Variants in SCMH1 observed in about 807,000 individuals in gnomAD.
The protein encoded by SCMH1 is Scm polycomb group protein homolog 1.
Under a neutral mutation model 70.8 loss-of-function variants are expected in SCMH1, and 37 were observed. The ratio of observed to expected loss-of-function variants is 0.52; its 90% CI spans 0.40 to 0.69. The LOEUF is 0.69. Among genes scored for constraint, SCMH1 ranks in the 30% least tolerant of loss-of-function variants. SCMH1 has a pLI of 0.00. For synonymous variants in SCMH1, 292 were observed against 307.4 expected (o/e 0.95, Z 0.52); for missense variants, 607 against 827.3 (o/e 0.73, Z 3.27).
At chr1:41,197,900 A>G (rs1653407116) in intron 1 of SCMH1, among the ~76,000 whole-genome samples, 1 of 152,118 alleles carries the variant, frequency 6.6e-6, no homozygotes, top group South Asian at 2.1e-4. Flanking sequence ...CAAACTGTTC[A>G]TCTTCTAATA....
intron 1 of SCMH1, among the ~76,000 whole-genome samples, chr1:41,228,896 T>A (rs187068474): frequency 5.3e-5 from 8 of 152,258 alleles, no homozygotes; most frequent in Non-Finnish European, 1.2e-4. Context: ...CTGCAGTAAT[T>A]CAGAAGAGAG....
At chr1:41,050,299 T>G (rs527765702) in intron 10 of SCMH1, among the ~76,000 whole-genome samples, 22 of 152,308 alleles carry the variant, frequency 1.4e-4, no homozygotes, top group African/African-American at 4.6e-4. Flanking sequence ...TATTCTTTCT[T>G]GTGTGGTTGT....
At chr1:41,168,204 T>A (rs995403906) in intron 2 of SCMH1, among the ~76,000 whole-genome samples, 1 of 152,134 alleles carries the variant, frequency 6.6e-6, no homozygotes, top group Non-Finnish European at 1.5e-5. Context: ...GCTTGGGAAG[T>A]TTTCTGACAT....
intron 13 of SCMH1, 104 bp downstream of exon 14, chr1:41,033,879 C>T: frequency 6.5e-7 from 1 of 1,542,524 alleles, no homozygotes; most frequent in South Asian, 1.2e-5. Flanking sequence ...TAGGGAACAA[C>T]AGTACCATCT....
chr1:41,216,132 C>T (rs1443979337), intron 1 of SCMH1, among the ~76,000 whole-genome samples: 1 of 152,148 alleles, frequency 6.6e-6, no homozygotes, highest in Non-Finnish European at 1.5e-5. Flanking sequence ...ATTGAAATGA[C>T]AGCCCTGGCA....
chr1:41,223,424 C>T (rs1416993327), intron 1 of SCMH1, among the ~76,000 whole-genome samples: 3 of 152,078 alleles, frequency 2.0e-5, no homozygotes. Flanking sequence ...CCTCTCTGAG[C>T]CATCTTTGTA....
chr1:41,197,560 A>G (rs571159562), intron 1 of SCMH1, among the ~76,000 whole-genome samples: 1 of 152,266 alleles, frequency 6.6e-6, no homozygotes, highest in East Asian at 1.9e-4. Context: ...AGTTATATTT[A>G]ATGCGTACAG....
intron 6 of SCMH1, among the ~76,000 whole-genome samples, chr1:41,126,795 A>C (rs377152804): frequency 3.3e-5 from 5 of 152,264 alleles, no homozygotes; most frequent in African/African-American, 1.2e-4. Context: ...ATAACATTCA[A>C]TCAATCTCTT....
At chr1:41,168,914 T>G (rs1024679718) in intron 2 of SCMH1, among the ~76,000 whole-genome samples, 1 of 152,170 alleles carries the variant, frequency 6.6e-6, no homozygotes, top group Admixed American at 6.5e-5. Flanking sequence ...AATCTCTAGA[T>G]GTAGCTGGAG....
At chr1:41,116,873 A>G (rs760953104) in intron 7 of SCMH1, 49 bp downstream of exon 7, 61 of 1,459,522 alleles carry the variant, frequency 4.2e-5, no homozygotes, top group Non-Finnish European at 5.5e-5. Flanking sequence ...AAGTCTCAAT[A>G]TTTGACCTTA....
At chr1:41,240,129 C>G (rs1390255902) in intron 1 of SCMH1, among the ~76,000 whole-genome samples, 1 of 152,168 alleles carries the variant, frequency 6.6e-6, no homozygotes, top group Non-Finnish European at 1.5e-5. Flanking sequence ...CACAAACATA[C>G]CTAAAATCAA....
chr1:41,143,168 A>T, intron 5 of SCMH1, 56 bp from the exon 6 acceptor site: 1 of 1,371,604 alleles, frequency 7.3e-7, no homozygotes, highest in Non-Finnish European at 1.0e-6. Context: ...CCCAAAATTC[A>T]TGTTTTGGAT....
At chr1:41,194,799 G>C (rs968428209) in intron 1 of SCMH1, among the ~76,000 whole-genome samples, 2 of 152,170 alleles carry the variant, frequency 1.3e-5, no homozygotes, top group Admixed American at 1.3e-4. Flanking sequence ...TGTGGAACCA[G>C]AGTAAGAAAT....
intron 1 of SCMH1, among the ~76,000 whole-genome samples, chr1:41,232,638 G>T (rs1369630388): frequency 2.0e-5 from 3 of 152,146 alleles, no homozygotes; most frequent in Admixed American, 2.0e-4. Flanking sequence ...CTGAGTCTCA[G>T]TTTCTTTATG....
At chr1:41,221,528 TTATATA>T (rs754247437) in intron 1 of SCMH1, among the ~76,000 whole-genome samples, 6 of 150,778 alleles carry the variant, frequency 4.0e-5, no homozygotes, top group Non-Finnish European at 3.0e-5. Context: ...ATAAATTTTG[TTATATA>T]TATATAACAC....
chr1:41,182,296 A>C (rs1038848258), intron 2 of SCMH1, among the ~76,000 whole-genome samples: 5 of 152,220 alleles, frequency 3.3e-5, no homozygotes, highest in African/African-American at 1.2e-4. Context: ...ACATGTATAC[A>C]TATGTAACTA....
intron 1 of SCMH1, among the ~76,000 whole-genome samples, chr1:41,208,736 G>A (rs1162504174): frequency 6.6e-6 from 1 of 152,170 alleles, no homozygotes; most frequent in East Asian, 1.9e-4. Flanking sequence ...GCAGTGTGTT[G>A]AGGGAAATTT....
chr1:41,239,639 A>G (rs1663095915), intron 1 of SCMH1, among the ~76,000 whole-genome samples: 3 of 152,068 alleles, frequency 2.0e-5, no homozygotes, highest in Admixed American at 2.0e-4. Context: ...AGAACATACC[A>G]ATTTTCTTTT....
chr1:41,032,659 CA>C (rs1644696903), intron 13 of SCMH1, among the ~76,000 whole-genome samples: 1 of 152,052 alleles, frequency 6.6e-6, no homozygotes, highest in Non-Finnish European at 1.5e-5. Flanking sequence ...TAACAGACTT[CA>C]GGGGGACATG....
Sources: gnomAD v4.1 joint callset for allele counts (sites outside exome capture counted in the v4.1 genomes callset) on GRCh38, gnomAD v4.1.1 for gene constraint, MANE v1.5 for transcripts, NCBI Gene and HGNC (gene_info 2026-07-23, HGNC 2026-07-21) for gene names.